Variants in ARHGAP29 observed in about 807,000 individuals in gnomAD.
ARHGAP29 encodes the protein Rho GTPase activating protein 29.
A neutral mutation model predicts 122.6 loss-of-function variants in ARHGAP29; 43 were observed. That is an observed-to-expected ratio of 0.35 (90% CI 0.27 to 0.45). The LOEUF is 0.45. Among genes scored for constraint, ARHGAP29 ranks in the 20% least tolerant of loss-of-function variants. The pLI, the probability that ARHGAP29 is intolerant of heterozygous loss-of-function variation, is 1.00. For synonymous variants in ARHGAP29, 506 were observed against 497.1 expected, an observed-to-expected ratio of 1.02 and a Z score of -0.24; for missense variants, 1,303 against 1,477.2, an observed-to-expected ratio of 0.88 and a Z score of 1.93.
chr1:94,269,823 A>G (rs866888995), intron 1 of ARHGAP29, among the ~76,000 whole-genome samples: 2 of 152,148 alleles, frequency 1.3e-5, no homozygotes, highest in African/African-American at 2.4e-5. Context: ...TCAACAATTG[A>G]ATAAATAATA....
At chr1:94,192,262 G>A (rs1284684306) in intron 12 of ARHGAP29, 1 of 152,066 alleles carries the variant, frequency 6.6e-6, no homozygotes, top group Non-Finnish European at 1.5e-5. Flanking sequence ...ACTCTGAAAA[G>A]TAAATGGAAA....
rs1282804985 is a variant in ARHGAP29, at chr1:94,189,196, T to A, written c.1576+20A>T. On this transcript the variant is annotated intron_variant, in intron 14 of 22. Transcript: ENST00000260526. The stretch of plus-strand genomic sequence containing the variant: ...CCTGACCTTTTATAAATTAGCACTC[T>A]CTTTAGGGTGGAAAACTACCTGTTA... The A allele has an allele frequency of 2.2e-5, 35 of 1,587,390 alleles. No homozygotes were observed. Among genetic ancestry groups the A allele is most frequent in the Non-Finnish European group, 3.0e-5 (35 of 1,171,648 alleles).
chr1:94,312,238 A>G, the ARHGAP29 span, among the ~76,000 whole-genome samples: 1 of 152,096 alleles, frequency 6.6e-6, no homozygotes, highest in Non-Finnish European at 1.5e-5. Flanking sequence ...TTGTCAGGAT[A>G]ATCAATGAAC....
chr1:94,189,973 A>C lies in ARHGAP29; in HGVS notation c.1392T>G (p.Ser464Arg). The change falls in exon 13 of 23, where the codon AGT (serine) becomes AGG (arginine). Residue 464 changes from serine (S) to arginine (R), a missense_variant. This residue lies in a region of ARHGAP29 where 592 missense variants were observed against 648.2 expected (regional missense o/e 0.91). Coordinates refer to ENST00000260526, the MANE Select transcript of ARHGAP29 (RefSeq NM_004815.4). ...AKLYDPGQEY[S>R]EFVKATNSTE... is the part of the protein sequence containing the mutation. ...TTGAATTTGTGGCCTTGACAAATTC[A>C]CTGTACTCTTGGCCTGGGTCATAGA... 1 of 1,613,482 alleles carries C rather than the reference A, an allele frequency of 6.2e-7. No individual in the cohort carries two copies. The highest frequency in any genetic ancestry group is 1.3e-5 in the African/African-American group (1 of 75,020).
chr1:94,222,230 G>A (rs1366748507), intron 2 of ARHGAP29, among the ~76,000 whole-genome samples: 1 of 152,174 alleles, frequency 6.6e-6, no homozygotes, highest in Non-Finnish European at 1.5e-5. Context: ...TGTAAAAAAT[G>A]TGTGCAAATA....
chr1:94,238,162 T>C (rs1045466849), upstream of ARHGAP29, among the ~76,000 whole-genome samples: 1 of 149,068 alleles, frequency 6.7e-6, no homozygotes, highest in Admixed American at 6.7e-5. Flanking sequence ...CCGGGCTCAA[T>C]TGATTCTCCC....
upstream of ARHGAP29, among the ~76,000 whole-genome samples, chr1:94,240,246 A>G (rs939448923): frequency 2.6e-5 from 4 of 152,206 alleles, no homozygotes; most frequent in Non-Finnish European, 5.9e-5. Context: ...AATAAACTAT[A>G]AGTAAGGTTG....
chr1:94,304,184 G>A, the ARHGAP29 span, among the ~76,000 whole-genome samples: 3 of 152,218 alleles, frequency 2.0e-5, no homozygotes, highest in African/African-American at 7.2e-5. Flanking sequence ...CTCCTAGGCT[G>A]GATGGAGTGC....
chr1:94,184,625 G>A (rs1261501089), intron 18 of ARHGAP29, among the ~76,000 whole-genome samples: 1 of 151,518 alleles, frequency 6.6e-6, no homozygotes, highest in African/African-American at 2.4e-5. Flanking sequence ...GTGGTAGCGC[G>A]TGCCTGTGGT....
chr1:94,244,242 C>G (rs1411310768), intron 1 of ARHGAP29, among the ~76,000 whole-genome samples: 2 of 148,812 alleles, frequency 1.3e-5, no homozygotes, highest in African/African-American at 4.9e-5. Flanking sequence ...CAAAAACACA[C>G]ACAAAAAACA....
chr1:94,309,882 T>C, the ARHGAP29 span, among the ~76,000 whole-genome samples: 192 of 152,298 alleles, frequency 1.3e-3, no homozygotes, highest in Middle Eastern at 3.4e-3. Context: ...TTGGGTCCTA[T>C]GCTGCACACT....
intron 3 of ARHGAP29, among the ~76,000 whole-genome samples, chr1:94,209,690 T>C (rs978651244): frequency 3.3e-5 from 5 of 152,202 alleles, no homozygotes; most frequent in African/African-American, 1.2e-4. Flanking sequence ...CACTGTTCTG[T>C]ACTATTTTCT....
intron 1 of ARHGAP29, among the ~76,000 whole-genome samples, chr1:94,250,903 A>C (rs971481804): frequency 1.3e-5 from 2 of 152,134 alleles, no homozygotes; most frequent in Non-Finnish European, 1.5e-5. Context: ...ACCCTACCTG[A>C]TGTCTTAGTA....
chr1:94,244,452 G>A (rs72727446), intron 1 of ARHGAP29, among the ~76,000 whole-genome samples: 5,027 of 151,596 alleles, frequency 0.033, 101 homozygotes, highest in Non-Finnish European at 0.053. Context: ...AGTCAACAAC[G>A]TAGGAATAGA....
chr1:94,220,713 C>A (rs961076831), intron 2 of ARHGAP29, among the ~76,000 whole-genome samples: 17 of 151,454 alleles, frequency 1.1e-4, no homozygotes, highest in Non-Finnish European at 2.9e-5. Context: ...GTTTTTCTTG[C>A]CTTATAGTTT....
At chr1:94,286,957 T>A in the ARHGAP29 span, among the ~76,000 whole-genome samples, 1 of 152,146 alleles carries the variant, frequency 6.6e-6, no homozygotes, top group Non-Finnish European at 1.5e-5. Flanking sequence ...GGAGATAGCA[T>A]TACGACACTA....
At position 94,220,288 on chromosome 1, in the gene ARHGAP29, C is replaced by T; in HGVS notation, c.310G>A (p.Ala104Thr). ...ACTTTTGCAGTGAGCATTTCTGCAG[C>T]ATTTTGAAGATCAACAGAATTGAGG... Reference protein sequence around the residue: ...QNLNSVDLQNAAEMLTAKVKA... With the variant: ...QNLNSVDLQNTAEMLTAKVKA... The change falls in exon 3 of 23, where the codon GCT becomes ACT. Residue 104 changes from alanine (A) to threonine (T), a missense_variant. This residue lies in a region of ARHGAP29 where 592 missense variants were observed against 648.2 expected (regional missense o/e 0.91). Coordinates refer to ENST00000260526, the MANE Select transcript of ARHGAP29 (RefSeq NM_004815.4). 6.2e-7 allele frequency: 1 copy of T among 1,613,390 alleles called. No individual in the cohort carries two copies. Among genetic ancestry groups the T allele is most frequent in the Non-Finnish European group, 8.5e-7 (1 of 1,179,678 alleles).
At chr1:94,183,181 T>G (rs1649583609) in intron 19 of ARHGAP29, among the ~76,000 whole-genome samples, 1 of 142,360 alleles carries the variant, frequency 7.0e-6, no homozygotes, top group Admixed American at 7.6e-5. Context: ...ATATGTACAG[T>G]TATTATATGT....
At chr1:94,219,400 A>G (rs1652147184) in intron 3 of ARHGAP29, among the ~76,000 whole-genome samples, 1 of 151,992 alleles carries the variant, frequency 6.6e-6, no homozygotes. Context: ...CTTTTCCATT[A>G]CCTATACATC....
Sources: gnomAD v4.1 joint callset for allele counts (sites outside exome capture counted in the v4.1 genomes callset) on GRCh38, gnomAD v4.1.1 for gene constraint, gnomAD v4.1.1 regional missense constraint, MANE v1.5 for transcripts, NCBI Gene and HGNC (gene_info 2026-07-23, HGNC 2026-07-21) for gene names.